The following PDE4D variants were observed in gnomAD, a reference collection of about 807,000 sequenced individuals.
PDE4D encodes the protein 3',5'-cyclic-AMP phosphodiesterase 4D.
A neutral mutation model predicts 87.4 loss-of-function variants in PDE4D; 24 were observed. That is an observed-to-expected ratio of 0.27 (90% CI 0.20 to 0.39). The LOEUF is 0.39. Among genes scored for constraint, PDE4D ranks in the 10% least tolerant of loss-of-function variants. PDE4D has a pLI of 1.00. For synonymous variants in PDE4D, 384 were observed against 383.2 expected (o/e 1.00, Z -0.02); for missense variants, 714 against 1,041.0 (o/e 0.69, Z 4.32).
At chr5:59,738,135 AATT>A (rs1241141407) in intron 1 of PDE4D, among the ~76,000 whole-genome samples, 3 of 152,166 alleles carry the variant, frequency 2.0e-5, no homozygotes, top group African/African-American at 7.2e-5. Flanking sequence ...ATTGTGGGAC[AATT>A]ATTATTTAAA....
At chr5:59,841,871 G>C (rs556689898) in intron 1 of PDE4D, among the ~76,000 whole-genome samples, 1 of 152,186 alleles carries the variant, frequency 6.6e-6, no homozygotes, top group South Asian at 2.1e-4. Flanking sequence ...GCTGCGAAGA[G>C]TTTGGCAAGA....
chr5:59,426,886 C>T (rs1795305764), intron 1 of PDE4D, among the ~76,000 whole-genome samples: 1 of 151,838 alleles, frequency 6.6e-6, no homozygotes, highest in Admixed American at 6.6e-5. Context: ...TTTTGTGCTT[C>T]TATCAAATTT....
intron 2 of PDE4D, among the ~76,000 whole-genome samples, chr5:60,158,248 G>C (rs1316520470): frequency 6.6e-6 from 1 of 152,100 alleles, no homozygotes; most frequent in Non-Finnish European, 1.5e-5. Flanking sequence ...CACACACCTA[G>C]ACTATATTGT....
chr5:60,163,768 C>T (rs1190617726), intron 2 of PDE4D, among the ~76,000 whole-genome samples: 1 of 152,174 alleles, frequency 6.6e-6, no homozygotes, highest in Non-Finnish European at 1.5e-5. Context: ...CCATTCCCAA[C>T]CTCCCCTACC....
chr5:59,010,266 G>A (rs1168700629), intron 6 of PDE4D, among the ~76,000 whole-genome samples: 16 of 152,156 alleles, frequency 1.1e-4, no homozygotes, highest in Non-Finnish European at 2.4e-4. Flanking sequence ...GGCAGAAGTT[G>A]CAGTGAGCTG....
At chr5:60,192,237 T>A (rs1785254158) in intron 1 of PDE4D, among the ~76,000 whole-genome samples, 1 of 152,106 alleles carries the variant, frequency 6.6e-6, no homozygotes, top group African/African-American at 2.4e-5. Context: ...AAAATTAAAA[T>A]CTCAAGATTT....
intron 1 of PDE4D, among the ~76,000 whole-genome samples, chr5:60,510,105 TC>T (rs1170593836): frequency 6.6e-6 from 1 of 151,966 alleles, no homozygotes; most frequent in Non-Finnish European, 1.5e-5. Flanking sequence ...ATAGGGAAGG[TC>T]CAGACAATAA....
intron 1 of PDE4D, among the ~76,000 whole-genome samples, chr5:59,663,678 G>C (rs298056): frequency 0.86 from 131,064 of 152,180 alleles, 56,908 homozygotes; most frequent in East Asian, 1. Context: ...CCTACAGAAC[G>C]CTGTATAATT....
intron 5 of PDE4D, among the ~76,000 whole-genome samples, chr5:59,145,414 A>G (rs753090298): frequency 1.2e-4 from 19 of 152,200 alleles, no homozygotes; most frequent in Non-Finnish European, 2.4e-4. Flanking sequence ...CTTTTGATGT[A>G]CAGAGGTTAT....
At chr5:59,653,202 A>G (rs951470766) in intron 1 of PDE4D, among the ~76,000 whole-genome samples, 16 of 107,212 alleles carry the variant, frequency 1.5e-4, no homozygotes, top group African/African-American at 4.5e-4. Flanking sequence ...GTTAGCAAAA[A>G]AAAAAATTTT....
intron 5 of PDE4D, among the ~76,000 whole-genome samples, chr5:59,160,560 T>C (rs533032989): frequency 5.0e-4 from 76 of 152,232 alleles, no homozygotes; most frequent in African/African-American, 1.7e-3. Flanking sequence ...CCCAGGCTAG[T>C]CTGGAACTCT....
At chr5:59,021,265 A>T (rs1755103640) in intron 6 of PDE4D, among the ~76,000 whole-genome samples, 1 of 152,132 alleles carries the variant, frequency 6.6e-6, no homozygotes, top group African/African-American at 2.4e-5. Context: ...AGTTAGTGAG[A>T]GTGTAAATAA....
intron 5 of PDE4D, among the ~76,000 whole-genome samples, chr5:59,163,275 CTTT>C (rs78168130): frequency 0.25 from 33,718 of 135,572 alleles, 4,099 homozygotes; most frequent in African/African-American, 0.3. Flanking sequence ...AATGAACAAT[CTTT>C]TTTTTTTTTT....
chr5:59,079,848 G>GGGAGA (rs36226812), intron 5 of PDE4D, among the ~76,000 whole-genome samples: 1,863 of 97,954 alleles, frequency 0.019, 32 homozygotes, highest in Non-Finnish European at 0.027. Flanking sequence ...GGGAGAGGAG[G>GGGAGA]GGAGAGGAGA....
chr5:60,497,122 C>G (rs1198520586), intron 1 of PDE4D, among the ~76,000 whole-genome samples: 1 of 151,988 alleles, frequency 6.6e-6, no homozygotes, highest in Non-Finnish European at 1.5e-5. Context: ...AGTCCTAGAC[C>G]CAGAATTTCT....
intron 2 of PDE4D, among the ~76,000 whole-genome samples, chr5:60,037,264 T>C (rs547705943): frequency 2.0e-3 from 303 of 152,282 alleles, no homozygotes; most frequent in African/African-American, 7.0e-3. Context: ...CACCTATGAA[T>C]TCAGCTTAAT....
chr5:60,305,004 T>C (rs1754346985), intron 1 of PDE4D, among the ~76,000 whole-genome samples: 1 of 151,340 alleles, frequency 6.6e-6, no homozygotes, highest in Non-Finnish European at 1.5e-5. Flanking sequence ...TATATATATA[T>C]ATTTGATTCT....
intron 5 of PDE4D, among the ~76,000 whole-genome samples, chr5:59,128,827 T>C (rs930042790): frequency 6.6e-6 from 1 of 152,188 alleles, no homozygotes; most frequent in African/African-American, 2.4e-5. Flanking sequence ...CATAATTCCA[T>C]CTAGAACTAT....
intron 1 of PDE4D, among the ~76,000 whole-genome samples, chr5:59,630,445 G>A (rs1473772607): frequency 6.6e-6 from 1 of 152,082 alleles, no homozygotes; most frequent in African/African-American, 2.4e-5. Flanking sequence ...CATCAAAGAG[G>A]CTTCAATGTT....
Sources: gnomAD v4.1 joint callset for allele counts (sites outside exome capture counted in the v4.1 genomes callset) on GRCh38, gnomAD v4.1.1 for gene constraint, MANE v1.5 for transcripts, NCBI Gene and HGNC (gene_info 2026-07-23, HGNC 2026-07-21) for gene names.